The following TRAP1 variants were observed in gnomAD, a reference collection of about 807,000 sequenced individuals.
TRAP1 encodes heat shock protein 75 kDa, mitochondrial.
In TRAP1, 102 loss-of-function variants were observed where a neutral mutation model predicts 89.1. That is an observed-to-expected ratio of 1.15 (90% CI 0.98 to 1.35). The LOEUF is 1.35. Among genes scored for constraint, TRAP1 ranks in the 40% most tolerant of loss-of-function variants. The probability of loss-of-function intolerance (pLI) is 0.00; values close to 1 mark genes in which losing one functional copy is unlikely to be tolerated. For synonymous variants in TRAP1, 508 were observed against 388.0 expected (o/e 1.31, Z -3.64); for missense variants, 1,256 against 945.3 (o/e 1.33, Z -4.31).
At chr16:3,684,288 A>T (rs78892100) in intron 4 of TRAP1, among the ~76,000 whole-genome samples, 6,936 of 152,334 alleles carry the variant, frequency 0.046, 185 homozygotes, top group Admixed American at 0.058. Context: ...GATTCTTACA[A>T]TGAAGTGTTA....
chr16:3,710,869 A>ATTTTTTT (rs2051519513), intron 1 of TRAP1, among the ~76,000 whole-genome samples: 2 of 109,262 alleles, frequency 1.8e-5, no homozygotes, highest in African/African-American at 9.9e-5. Context: ...ATATATATAT[A>ATTTTTTT]TATATATATA....
chr16:3,658,948 T>TTTAAAGAAGC (rs1190282918), intron 16 of TRAP1, 83 bp from the exon 17 acceptor site: 2 of 1,410,766 alleles, frequency 1.4e-6, no homozygotes, highest in Non-Finnish European at 1.0e-6. Context: ...TATCAGGATA[T>TTTAAAGAAGC]TTAAAGAAGC....
intron 16 of TRAP1, chr16:3,659,889 A>T (rs56023281): frequency 6.6e-6 from 1 of 152,154 alleles, no homozygotes; most frequent in Non-Finnish European, 1.5e-5. Context: ...AACTGGGATT[A>T]CAGGCACCCA....
Position 3,672,774 on chromosome 16 carries a change from G to GC in TRAP1, c.1090dup (p.Ala364GlyfsTer31). ...GATGAGGACTTTGCGGCTGTACAGT[G>GC]CAACGCTGGAGCCCAGCTCCCGGCT... On this transcript the variant is annotated frameshift_variant, in exon 10 of 18. Coordinates refer to ENST00000246957, the MANE Select transcript of TRAP1 (RefSeq NM_016292.3). LOFTEE classifies it high-confidence loss of function. 6.2e-7 allele frequency: 1 copy of GC among 1,612,614 alleles called. No homozygotes were observed. Among genetic ancestry groups the GC allele is most frequent in the Non-Finnish European group, 8.5e-7 (1 of 1,179,514 alleles).
At chr16:3,706,003 T>G (rs1369863436) in intron 1 of TRAP1, among the ~76,000 whole-genome samples, 1 of 146,894 alleles carries the variant, frequency 6.8e-6, no homozygotes, top group East Asian at 2.0e-4. Flanking sequence ...CTTTTTTTCT[T>G]TTTTTTTTTT....
At position 3,678,960 on chromosome 16, in the gene TRAP1, C is replaced by A. The variant is rs544975404; in HGVS notation, c.543+759G>T. ...GGTCAGAGGGATCAGTCCCCTCTCACACAGCGCCGTGATGAGAACGGGCTT... is the reference window on the plus strand; with the variant it reads ...GGTCAGAGGGATCAGTCCCCTCTCAAACAGCGCCGTGATGAGAACGGGCTT... On this transcript the variant is annotated intron_variant, in intron 5 of 17. Transcript: ENST00000246957. Among the ~76,000 whole-genome samples the A allele has an allele frequency of 6.6e-5, 10 of 152,306 alleles. No individual in the cohort carries two copies. The South Asian group carries it at 1.9e-3, about 28-fold the overall frequency.
intron 1 of TRAP1, among the ~76,000 whole-genome samples, chr16:3,699,760 T>TG (rs1323349563): frequency 6.6e-6 from 1 of 151,566 alleles, no homozygotes; most frequent in Middle Eastern, 3.2e-3. Flanking sequence ...CTTGAACTCC[T>TG]GGGCTCAAGG....
intron 1 of TRAP1, among the ~76,000 whole-genome samples, chr16:3,703,055 A>G (rs918756189): frequency 4.0e-5 from 6 of 150,382 alleles, no homozygotes; most frequent in Non-Finnish European, 7.4e-5. Flanking sequence ...AAAAAAAAAA[A>G]AAAAAAAAAA....
chr16:3,662,962 C>T lies in TRAP1; in HGVS notation c.1714G>A (p.Glu572Lys), dbSNP rs55766649. The change falls in exon 15 of 18, where the codon GAG becomes AAG. Residue 572 changes from glutamate (E) to lysine (K), a missense_variant. By Grantham distance (56) the Glu-to-Lys change is moderately conservative (BLOSUM62 1). Coordinates refer to ENST00000246957, the MANE Select transcript of TRAP1 (RefSeq NM_016292.3). ...EKFEDRSPAA[E>K]CLSEKETEEL... ...TCCGTCTCCTTCTCTGATAGGCACT[C>T]GGCGGCTGCGGAAGAGCAGGCGACA... is the stretch of plus-strand genomic sequence containing the variant. The T allele has an allele frequency of 6.5e-5, 104 of 1,608,904 alleles. No homozygotes were observed. The highest frequency in any genetic ancestry group is 4.7e-4 in the South Asian group (43 of 90,910).
chr16:3,687,479 G>A (rs1567236154), intron 3 of TRAP1: 1 of 152,178 alleles, frequency 6.6e-6, no homozygotes, highest in Admixed American at 6.6e-5. Flanking sequence ...TCATCTAGTG[G>A]GGACCACCAA....
At chr16:3,682,894 T>G (rs997495576) in intron 4 of TRAP1, among the ~76,000 whole-genome samples, 1 of 151,780 alleles carries the variant, frequency 6.6e-6, no homozygotes. Context: ...TCAGGCTGGG[T>G]GCGGTAGCTC....
chr16:3,675,709 A>G (rs994935730), intron 7 of TRAP1, among the ~76,000 whole-genome samples: 6 of 152,194 alleles, frequency 3.9e-5, no homozygotes, highest in African/African-American at 1.4e-4. Context: ...CTGAGTGTCC[A>G]GCAGGACACA....
chr16:3,677,976 CTT>C (rs2051021957), intron 5 of TRAP1: 1 of 288,806 alleles, frequency 3.5e-6, no homozygotes, highest in African/African-American at 2.2e-5. Context: ...TGAATAAGCT[CTT>C]TCCCTTGAAT....
intron 11 of TRAP1, among the ~76,000 whole-genome samples, chr16:3,669,898 T>C (rs2050888736): frequency 7.1e-6 from 1 of 140,128 alleles, no homozygotes; most frequent in African/African-American, 2.6e-5. Context: ...TGCAGTGTCA[T>C]AACTGCAGAA....
rs138668462 is a variant in TRAP1 at position 3,714,559 on chromosome 16, G to A, written c.88+2862C>T. On this transcript the variant is annotated intron_variant, in intron 1 of 17. Coordinates refer to ENST00000246957, the MANE Select transcript of TRAP1 (RefSeq NM_016292.3). ...CTGTAGTCCCAGCTACGTGGGAGGC[G>A]AAGTCAGGAGAATCACTCGAACCCA... Among the ~76,000 whole-genome samples, 214 of 152,234 alleles carry A rather than the reference G, an allele frequency of 1.4e-3. 3 individuals are homozygous for A. In the East Asian group the frequency reaches 0.036, roughly 26 times the overall value.
intron 1 of TRAP1, among the ~76,000 whole-genome samples, chr16:3,702,682 C>A (rs1344452739): frequency 6.6e-6 from 1 of 151,336 alleles, no homozygotes; most frequent in Non-Finnish European, 1.5e-5. Flanking sequence ...AGGGTAAAGG[C>A]TGCAGTGAGC....
chr16:3,709,451 C>T (rs1596757203), intron 1 of TRAP1, among the ~76,000 whole-genome samples: 1 of 152,108 alleles, frequency 6.6e-6, no homozygotes, highest in Non-Finnish European at 1.5e-5. Context: ...AAACTGTTGG[C>T]AATGCCGTCT....
At position 3,674,384 on chromosome 16, in the gene TRAP1, C is replaced by G. The variant is rs750739710; in HGVS notation, c.999G>C (p.Thr333=). Residue 333 remains threonine, a synonymous_variant, in exon 9 of 18, where the codon ACG becomes ACC. Coordinates refer to ENST00000246957, the MANE Select transcript of TRAP1 (RefSeq NM_016292.3). ...DKPRYTLHYK[T]DAPLNIRSIF... ...TGCTGCGGATGTTGAGCGGTGCGTC[C>G]GTCTTATAGTGCAGGGTGTAGCGGG... is the stretch of plus-strand genomic sequence containing the variant. 11 of 1,614,074 alleles carry G rather than the reference C, an allele frequency of 6.8e-6. No individual in the cohort carries two copies. Among genetic ancestry groups the G allele is most frequent in the Non-Finnish European group, 8.5e-6 (10 of 1,180,024 alleles).
chr16:3,699,883 C>G (rs924221729), intron 1 of TRAP1, among the ~76,000 whole-genome samples: 42 of 150,964 alleles, frequency 2.8e-4, no homozygotes, highest in Non-Finnish European at 4.9e-4. Flanking sequence ...CCATGTTGAC[C>G]AGGCTGGTCT....
Sources: allele counts gnomAD v4.1 joint callset (sites outside exome capture counted in the v4.1 genomes callset), GRCh38; gene constraint gnomAD v4.1.1; transcripts MANE v1.5; gene names NCBI Gene and HGNC (gene_info 2026-07-23, HGNC 2026-07-21).